The following ARID1B variants were observed in gnomAD, a reference collection of about 807,000 sequenced individuals.
The protein encoded by ARID1B is AT-rich interaction domain 1B, also known as AT-rich interactive domain-containing protein 1B.
ARID1B carries 30 observed loss-of-function variants against 212.3 expected under a neutral mutation model. That is an observed-to-expected ratio of 0.14 (90% CI 0.11 to 0.19). The LOEUF (loss-of-function observed/expected upper bound fraction) is 0.19, where lower values mean the gene tolerates loss of function less well. Ranked by LOEUF, ARID1B falls within the 10% of genes least tolerant of loss-of-function variation. ARID1B has a pLI of 1.00. For missense variants in ARID1B, 2,891 were observed against 3,204.0 expected (o/e 0.90, Z 2.36); for synonymous variants, 1,402 against 1,301.7 (o/e 1.08, Z -1.66).
chr6:156,800,558 C>CAA (rs1478311014), intron 1 of ARID1B, among the ~76,000 whole-genome samples: 22 of 151,946 alleles, frequency 1.4e-4, no homozygotes, highest in African/African-American at 5.3e-4. Context: ...CACCGCACTT[C>CAA]AACCTGGGTG....
intron 4 of ARID1B, among the ~76,000 whole-genome samples, chr6:156,974,897 A>AC (rs1281566563): frequency 3.9e-5 from 6 of 152,140 alleles, no homozygotes; most frequent in Non-Finnish European, 8.8e-5. Context: ...TTTTATAAAC[A>AC]CCACTACACA....
intron 4 of ARID1B, among the ~76,000 whole-genome samples, chr6:157,011,839 T>C (rs1779629334): frequency 6.6e-6 from 1 of 152,230 alleles, no homozygotes; most frequent in Non-Finnish European, 1.5e-5. Flanking sequence ...GAATTTATGA[T>C]AATAAGGAAC....
intron 1 of ARID1B, among the ~76,000 whole-genome samples, chr6:156,827,871 C>T (rs1416390185): frequency 1.4e-5 from 2 of 144,250 alleles, no homozygotes; most frequent in Non-Finnish European, 3.0e-5. Context: ...AGCGATTCTC[C>T]TGCCTCAGCC....
At position 156,856,698 on chromosome 6, in the gene ARID1B, TCTCACACACACA is replaced by T. The variant is rs1320757369; in HGVS notation, c.1986+27279_1986+27290del. Among the ~76,000 whole-genome samples, 80 of 85,678 alleles carry T rather than the reference TCTCACACACACA, an allele frequency of 9.3e-4. 1 individual carries two copies. In the South Asian group the frequency reaches 0.014, roughly 15 times the overall value. The allele number at this position is 85,678 out of a possible 152,430, so 56.2% of individuals were successfully genotyped here. ...CTCTCTCTCTCTCTCTCTCTCTCTC[TCTCACACACACA>T]CACACACACACACACACACACACAC... On this transcript the variant is annotated intron_variant, in intron 2 of 19. Coordinates refer to ENST00000636930, the MANE Select transcript of ARID1B (RefSeq NM_001374828.1).
intron 2 of ARID1B, among the ~76,000 whole-genome samples, chr6:156,862,631 T>C (rs1229760433): frequency 6.6e-6 from 1 of 152,202 alleles, no homozygotes; most frequent in Non-Finnish European, 1.5e-5. Flanking sequence ...AGAGCCTTCC[T>C]GCAGTGATTG....
chr6:157,040,484 CT>C (rs1301964929), intron 4 of ARID1B, among the ~76,000 whole-genome samples: 1 of 152,160 alleles, frequency 6.6e-6, no homozygotes, highest in Non-Finnish European at 1.5e-5. Flanking sequence ...TCTTTCTGTA[CT>C]TTTTTTCCTA....
At chr6:156,943,974 C>T (rs1162200083) in intron 4 of ARID1B, 3 of 152,102 alleles carry the variant, frequency 2.0e-5, no homozygotes, top group Admixed American at 2.0e-4. Context: ...CTATTCTAAT[C>T]GCCACACTGA....
intron 1 of ARID1B, among the ~76,000 whole-genome samples, chr6:156,782,667 C>T (rs1779360160): frequency 6.6e-6 from 1 of 152,080 alleles, no homozygotes; most frequent in Non-Finnish European, 1.5e-5. Context: ...GTGTGAGATA[C>T]ATTATTTGAT....
intron 3 of ARID1B, among the ~76,000 whole-genome samples, chr6:156,930,458 C>A (rs1791605334): frequency 1.3e-5 from 2 of 152,154 alleles, no homozygotes; most frequent in African/African-American, 4.8e-5. Context: ...CCAATTACAC[C>A]TGTTTTCTTT....
At position 156,779,037 on chromosome 6, in the gene ARID1B, T is replaced by C. The variant is rs1477549293; in HGVS notation, c.1357T>C (p.Ser453Pro). 1 of 1,208,820 alleles carries C rather than the reference T, an allele frequency of 8.3e-7. No individual in the cohort carries two copies. Among genetic ancestry groups the C allele is most frequent in the Non-Finnish European group, 1.0e-6 (1 of 982,702 alleles). 74.9% of individuals were successfully genotyped at this position (1,208,820 alleles called of 1,614,324 possible). Reference sequence around the variant, plus strand: ...GTCCGCGGGGTACGGGGTGCTGAGCTCCCCCCGGCAGCAGGGCGGCGGCAT... The same window carrying C: ...GTCCGCGGGGTACGGGGTGCTGAGCCCCCCCCGGCAGCAGGGCGGCGGCAT... Reference protein sequence around the residue: ...GSSAGYGVLSSPRQQGGGMMM... With the variant: ...GSSAGYGVLSPPRQQGGGMMM... The change falls in exon 1 of 20, where the codon TCC (serine) becomes CCC (proline). Residue 453 changes from serine to proline, a missense_variant. Around this residue, in one of 7 missense-constraint regions of ARID1B, gnomAD observed 1,643 missense variants for 1,544.0 expected, o/e 1.06. Coordinates refer to ENST00000636930, the MANE Select transcript of ARID1B (RefSeq NM_001374828.1).
intron 4 of ARID1B, among the ~76,000 whole-genome samples, chr6:157,000,439 G>A (rs543994607): frequency 6.6e-6 from 1 of 152,268 alleles, no homozygotes; most frequent in Admixed American, 6.5e-5. Context: ...AAAACATCCT[G>A]TGTACTATGA....
chr6:157,020,250 A>C (rs771344593), intron 4 of ARID1B, among the ~76,000 whole-genome samples: 2 of 152,216 alleles, frequency 1.3e-5, no homozygotes, highest in Non-Finnish European at 2.9e-5. Flanking sequence ...AACTGACCTA[A>C]AATGTAGTTA....
chr6:156,970,512 ACTG>A (rs1776855290), intron 4 of ARID1B, among the ~76,000 whole-genome samples: 1 of 152,246 alleles, frequency 6.6e-6, no homozygotes, highest in Non-Finnish European at 1.5e-5. Context: ...AACCAAGATT[ACTG>A]AGTCTGCTAT....
chr6:157,089,046 T>C (rs908872922), intron 5 of ARID1B, among the ~76,000 whole-genome samples: 14 of 152,172 alleles, frequency 9.2e-5, no homozygotes, highest in African/African-American at 3.4e-4. Context: ...CATCACCTCC[T>C]CTCCATGTCT....
chr6:157,004,911 T>TG (rs1779144215), intron 4 of ARID1B, among the ~76,000 whole-genome samples: 6 of 114,892 alleles, frequency 5.2e-5, no homozygotes, highest in African/African-American at 1.2e-4. Flanking sequence ...TTTTTTTTTT[T>TG]TTTTTTTTTT....
At chr6:156,930,675 C>T (rs1053747817) in intron 3 of ARID1B, among the ~76,000 whole-genome samples, 11 of 151,940 alleles carry the variant, frequency 7.2e-5, no homozygotes, top group African/African-American at 1.7e-4. Context: ...TGGTTAAATA[C>T]GTTACTCCAC....
intron 3 of ARID1B, among the ~76,000 whole-genome samples, chr6:156,934,957 T>G (rs1562494889): frequency 1.1e-5 from 1 of 94,244 alleles, no homozygotes; most frequent in Non-Finnish European, 2.2e-5. Flanking sequence ...TATATATATA[T>G]ATATAGTTTA....
chr6:156,942,756 T>G (rs1337378392), intron 4 of ARID1B: 1 of 152,742 alleles, frequency 6.5e-6, no homozygotes, highest in East Asian at 1.9e-4. Context: ...CTCCTCCTCC[T>G]ATTGCTTCTC....
chr6:157,117,019 T>A (rs982593387), intron 6 of ARID1B, among the ~76,000 whole-genome samples: 2 of 152,186 alleles, frequency 1.3e-5, no homozygotes, highest in African/African-American at 4.8e-5. Flanking sequence ...CATAGAGATC[T>A]TGACAGCTGT....
Sources: gnomAD v4.1 joint callset for allele counts (sites outside exome capture counted in the v4.1 genomes callset) on GRCh38, gnomAD v4.1.1 for gene constraint, gnomAD v4.1.1 regional missense constraint, MANE v1.5 for transcripts, NCBI Gene and HGNC (gene_info 2026-07-23, HGNC 2026-07-21) for gene names.